HCN2: variants seen among roughly 807,000 people sequenced by gnomAD.
HCN2 encodes hyperpolarization activated cyclic nucleotide gated potassium and sodium channel 2.
In HCN2, 20 loss-of-function variants were observed where a neutral mutation model predicts 52.3. The observed-to-expected ratio is 0.38, with a 90% CI of 0.27 to 0.56. The LOEUF is 0.56. Ranked by LOEUF, HCN2 falls within the 20% of genes least tolerant of loss-of-function variation. The probability of loss-of-function intolerance (pLI) is 0.71; values close to 1 mark genes in which losing one functional copy is unlikely to be tolerated. For missense variants in HCN2, 981 were observed against 1,207.7 expected (o/e 0.81, Z 2.78); for synonymous variants, 694 against 537.0 (o/e 1.29, Z -4.04).
At position 590,237 on chromosome 19, in the gene HCN2, C is replaced by G. The variant is rs1982825647; in HGVS notation, c.292C>G (p.Pro98Ala). The G allele has an allele frequency of 3.0e-6, 3 of 989,302 alleles. No homozygotes were observed. Among genetic ancestry groups the G allele is most frequent in the Non-Finnish European group, 3.6e-6 (3 of 834,106 alleles). 61.3% of individuals were successfully genotyped at this position (989,302 alleles called of 1,614,324 possible). Residue 98 changes from proline (P) to alanine (A), a missense_variant, in exon 1 of 8, where the codon CCG becomes GCG. Coordinates refer to ENST00000251287, the MANE Select transcript of HCN2 (RefSeq NM_001194.4). This position sits in a 1 kb window ranked among gnomAD's most constrained non-coding sequence, Gnocchi z 7.2. ...CGCGGCGAGCACGGCCAAGGGCAGC[C>G]CGAACGGCGAGTGCGGGCGCGGCGA... ...PGAASTAKGS[P>A]NGECGRGEPQ...
intron 4 of HCN2, among the ~76,000 whole-genome samples, chr19:609,457 G>A (rs1019585522): frequency 1.3e-5 from 2 of 152,216 alleles, no homozygotes; most frequent in Non-Finnish European, 2.9e-5. Flanking sequence ...TCAGGGATAG[G>A]GTTGCTAGAT....
Position 592,345 on chromosome 19 carries a change from C to T in HCN2, c.632+1768C>T, listed in dbSNP as rs1417988308. Reference sequence around the variant, plus strand: ...GGCAGCTCCAGCGACCCCCTGGCTGCAGAGGGGCGGTCGGTGGCCTGGGGG... The same window carrying T: ...GGCAGCTCCAGCGACCCCCTGGCTGTAGAGGGGCGGTCGGTGGCCTGGGGG... On this transcript the variant is annotated intron_variant, in intron 1 of 7. Coordinates refer to ENST00000251287, the MANE Select transcript of HCN2 (RefSeq NM_001194.4). This position sits in a 1 kb window ranked among gnomAD's most constrained non-coding sequence, Gnocchi z 4.8. 6.6e-6 allele frequency among the ~76,000 whole-genome samples: 1 copy of T among 152,218 alleles called. No individual in the cohort carries two copies. The highest frequency in any genetic ancestry group is 1.5e-5 in the Non-Finnish European group (1 of 68,034).
chr19:602,509 C>T (rs1213290893), intron 1 of HCN2, among the ~76,000 whole-genome samples: 2 of 152,192 alleles, frequency 1.3e-5, no homozygotes, highest in African/African-American at 2.4e-5. Flanking sequence ...TGTGGAGGCT[C>T]CCGCTTCTCA....
At chr19:613,008 C>G (rs1473412783) in intron 5 of HCN2, among the ~76,000 whole-genome samples, 1 of 152,350 alleles carries the variant, frequency 6.6e-6, no homozygotes, top group African/African-American at 2.4e-5. Flanking sequence ...TCTACAGCCG[C>G]CCCTCCTGGT....
rs1443603576 is a variant in HCN2 at position 616,979 on chromosome 19, C to G, written c.*505C>G. 1 of 474,062 alleles carries G rather than the reference C, an allele frequency of 2.1e-6. No homozygotes were observed. Among genetic ancestry groups the G allele is most frequent in the Non-Finnish European group, 3.9e-6 (1 of 258,984 alleles). The allele number at this position is 474,062 out of a possible 1,614,324, so 29.4% of individuals were successfully genotyped here. A position where few individuals can be genotyped will look rare whatever the true frequency, so the allele number is the denominator to read the frequency against. On this transcript the variant is annotated 3_prime_UTR_variant, in exon 8 of 8. Coordinates refer to ENST00000251287, the MANE Select transcript of HCN2 (RefSeq NM_001194.4). ...ACCTCGGGGAGCAGCACCCCGCCTC[C>G]CTCCAGCACTGGCACCGAGAGGCAG... is the stretch of plus-strand genomic sequence containing the variant.
Position 590,918 on chromosome 19 carries a change from G to C in HCN2, c.632+341G>C, listed in dbSNP as rs918311357. On this transcript the variant is annotated intron_variant, in intron 1 of 7. Coordinates refer to ENST00000251287, the MANE Select transcript of HCN2 (RefSeq NM_001194.4). The surrounding 1 kb of genome is among the most constrained non-coding windows in gnomAD (Gnocchi z 7.2). ...TAGAGGGGAACGTGGGCCCCAGAGAGGCGGCGGAGCGGGAGGGAGGAGGAA... is the reference window on the plus strand; with the variant it reads ...TAGAGGGGAACGTGGGCCCCAGAGACGCGGCGGAGCGGGAGGGAGGAGGAA... 2 of 171,516 alleles carry C rather than the reference G, an allele frequency of 1.2e-5. No individual in the cohort carries two copies. The highest frequency in any genetic ancestry group is 2.5e-5 in the Non-Finnish European group (2 of 81,014). 10.6% of individuals were successfully genotyped at this position (171,516 alleles called of 1,614,324 possible).
In HCN2 at chr19:614,984, C is replaced by T. The variant is rs536928461; in HGVS notation, c.1991-811C>T. Among the ~76,000 whole-genome samples the T allele has an allele frequency of 4.6e-5, 7 of 152,256 alleles. No homozygotes were observed. In the South Asian group the frequency reaches 1.5e-3, roughly 32 times the overall value. ...GAGCTCCCTGGTGTACAGTAGGAAGCTCTCCACAACTTGCTCTATACAGTG... is the reference window on the plus strand; with the variant it reads ...GAGCTCCCTGGTGTACAGTAGGAAGTTCTCCACAACTTGCTCTATACAGTG... On this transcript the variant is annotated intron_variant, in intron 7 of 7. Coordinates refer to ENST00000251287, the MANE Select transcript of HCN2 (RefSeq NM_001194.4).
At position 613,904 on chromosome 19, in the gene HCN2, C is replaced by T; in HGVS notation, c.1878C>T (p.Thr626=). ...GCACGGCGAGCGTGCGGGCTGACACCTACTGCCGCCTCTATTCGCTGAGCG... is the reference window on the plus strand; with the variant it reads ...GCACGGCGAGCGTGCGGGCTGACACTTACTGCCGCCTCTATTCGCTGAGCG... ...GRRTASVRAD[T]YCRLYSLSVD... is the part of the protein sequence containing the mutation. Residue 626 remains threonine (T), a synonymous_variant, in exon 7 of 8, where the codon ACC becomes ACT. Transcript: ENST00000251287. The T allele has an allele frequency of 3.1e-6, 5 of 1,602,918 alleles. No individual in the cohort carries two copies. Among genetic ancestry groups the T allele is most frequent in the Middle Eastern group, 1.8e-4 (1 of 5,456 alleles).
chr19:598,093 G>C (rs764602668), intron 1 of HCN2, among the ~76,000 whole-genome samples: 3 of 152,198 alleles, frequency 2.0e-5, no homozygotes, highest in African/African-American at 4.8e-5. Flanking sequence ...CTGAGGGGCA[G>C]GGGGCCAGCG....
chr19:601,342 G>A (rs1465851089), intron 1 of HCN2, among the ~76,000 whole-genome samples: 1 of 152,202 alleles, frequency 6.6e-6, no homozygotes, highest in Non-Finnish European at 1.5e-5. Context: ...TTCTCTCACT[G>A]AACGTGACGT....
chr19:601,649 C>T (rs555096993), intron 1 of HCN2, among the ~76,000 whole-genome samples: 12 of 152,228 alleles, frequency 7.9e-5, no homozygotes, highest in African/African-American at 1.7e-4. Flanking sequence ...GGTATAATCT[C>T]GGGGCAGGGA....
chr19:590,659 G>C lies in HCN2; in HGVS notation c.632+82G>C. On this transcript the variant is annotated intron_variant, in intron 1 of 7. Coordinates refer to ENST00000251287, the MANE Select transcript of HCN2 (RefSeq NM_001194.4). The surrounding 1 kb of genome is among the most constrained non-coding windows in gnomAD (Gnocchi z 7.2). ...GGGAGCCGTCCTTGGAGCGCCTGGGGAGGGCGGGGCGGCGCGCCGGGCCGG... is the reference window on the plus strand; with the variant it reads ...GGGAGCCGTCCTTGGAGCGCCTGGGCAGGGCGGGGCGGCGCGCCGGGCCGG... The C allele has an allele frequency of 8.9e-7, 1 of 1,122,288 alleles. No individual in the cohort carries two copies. The highest frequency in any genetic ancestry group is 1.1e-6 in the Non-Finnish European group (1 of 885,374). 69.5% of individuals were successfully genotyped at this position (1,122,288 alleles called of 1,614,324 possible).
chr19:590,630 C>G lies in HCN2; in HGVS notation c.632+53C>G. The stretch of plus-strand genomic sequence containing the variant: ...GCGAGGGGGCCCGGGGAGCCGGGCG[C>G]GCGGGGAGCCGTCCTTGGAGCGCCT... On this transcript the variant is annotated intron_variant, in intron 1 of 7. Coordinates refer to ENST00000251287, the MANE Select transcript of HCN2 (RefSeq NM_001194.4). The surrounding 1 kb of genome is among the most constrained non-coding windows in gnomAD (Gnocchi z 7.2). 1 of 1,253,090 alleles carries G rather than the reference C, an allele frequency of 8.0e-7. No homozygotes were observed. Among genetic ancestry groups the G allele is most frequent in the Non-Finnish European group, 1.0e-6 (1 of 984,602 alleles). The allele number at this position is 1,253,090 out of a possible 1,614,324, so 77.6% of individuals were successfully genotyped here.
rs1982871771 is a variant in HCN2, at chr19:591,497, C to T, written c.632+920C>T. On this transcript the variant is annotated intron_variant, in intron 1 of 7. Transcript: ENST00000251287. This position sits in a 1 kb window ranked among gnomAD's most constrained non-coding sequence, Gnocchi z 4.1. ...GTGTACGCCCGGGGCCGGTGTGCAC[C>T]GGTGGGCAGTAGTGTGAGCCGCAGG... Among the ~76,000 whole-genome samples, 1 of 152,012 alleles carries T rather than the reference C, an allele frequency of 6.6e-6. No homozygotes were observed. Among genetic ancestry groups the T allele is most frequent in the Non-Finnish European group, 1.5e-5 (1 of 67,970 alleles).
rs1231770158 is a variant in HCN2 at position 616,485 on chromosome 19, C to T, written c.*11C>T. ...TCGTCCAACTTGTGACCCTCGCCGA[C>T]CGCCCCGCGGGCCCAGGCGGGCCGG... On this transcript the variant is annotated 3_prime_UTR_variant, in exon 8 of 8. Transcript: ENST00000251287. 3.3e-6 allele frequency: 4 copies of T among 1,217,072 alleles called. No homozygotes were observed. In the African/African-American group the frequency reaches 4.9e-5, roughly 15 times the overall value. The allele number at this position is 1,217,072 out of a possible 1,614,324, so 75.4% of individuals were successfully genotyped here.
At chr19:600,907 G>A (rs899560256) in intron 1 of HCN2, among the ~76,000 whole-genome samples, 30 of 151,962 alleles carry the variant, frequency 2.0e-4, no homozygotes, top group African/African-American at 4.8e-4. Context: ...TCATTCCCCC[G>A]GACAGAAACC....
chr19:596,908 G>C (rs1241854949), intron 1 of HCN2, among the ~76,000 whole-genome samples: 2 of 143,472 alleles, frequency 1.4e-5, no homozygotes, highest in South Asian at 2.2e-4. Context: ...GGTTGGGGTG[G>C]AGAGGGTTGG....
At chr19:595,319 C>T (rs531198695) in intron 1 of HCN2, among the ~76,000 whole-genome samples, 2 of 150,892 alleles carry the variant, frequency 1.3e-5, no homozygotes, top group South Asian at 2.1e-4. Context: ...GCACCCTGTG[C>T]GCTGGCCGCC....
intron 1 of HCN2, among the ~76,000 whole-genome samples, chr19:602,490 T>G (rs567039058): frequency 3.6e-4 from 55 of 152,286 alleles, no homozygotes; most frequent in African/African-American, 1.3e-3. Context: ...TCAGTCTTCC[T>G]GTGGCCCCTG....
Sources: allele counts gnomAD v4.1 joint callset (sites outside exome capture counted in the v4.1 genomes callset), GRCh38; gene constraint gnomAD v4.1.1; non-coding constraint Gnocchi (gnomAD v3.1); transcripts MANE v1.5; gene names NCBI Gene and HGNC (gene_info 2026-07-23, HGNC 2026-07-21).